Variants in GRID1 observed in about 807,000 individuals in gnomAD.
GRID1 encodes glutamate receptor ionotropic, delta-1.
Under a neutral mutation model 98.0 loss-of-function variants are expected in GRID1, and 28 were observed. That is an observed-to-expected ratio of 0.29 (90% CI 0.21 to 0.39). The LOEUF (loss-of-function observed/expected upper bound fraction) is 0.39. GRID1 is among the 10% of genes least tolerant of loss of function. GRID1 has a pLI of 1.00. For missense variants in GRID1, 1,111 were observed against 1,340.5 expected (o/e 0.83, Z 2.67); for synonymous variants, 553 against 538.5 (o/e 1.03, Z -0.37).
At chr10:85,706,809 A>T (rs1388545183) in intron 12 of GRID1, among the ~76,000 whole-genome samples, 1 of 152,222 alleles carries the variant, frequency 6.6e-6, no homozygotes, top group Non-Finnish European at 1.5e-5. Flanking sequence ...ATAATGCCAC[A>T]TATCTACAAC....
chr10:86,366,089 C>T lies in GRID1; in HGVS notation c.79+225G>A, dbSNP rs1046068292. On this transcript the variant is annotated intron_variant, in intron 1 of 15. Transcript: ENST00000327946. The surrounding 1 kb of genome is among the most constrained non-coding windows in gnomAD (Gnocchi z 4.1). ...CGGCCCTAAGTGTCGGTAGAGGCCG[C>T]GGGGCCCCGCGCGGAGATCGGAGCC... 6.6e-6 allele frequency among the ~76,000 whole-genome samples: 1 copy of T among 151,988 alleles called. No homozygotes were observed. Among genetic ancestry groups the T allele is most frequent in the South Asian group, 2.1e-4 (1 of 4,830 alleles).
chr10:86,078,579 C>T (rs1843918618), intron 4 of GRID1, among the ~76,000 whole-genome samples: 1 of 152,260 alleles, frequency 6.6e-6, no homozygotes, highest in Admixed American at 6.5e-5. Flanking sequence ...AAAAGCCTTG[C>T]TTCCTGTCTT....
At chr10:85,743,105 G>GCCCCCCCCCCCCCCC (rs4031782) in intron 8 of GRID1, among the ~76,000 whole-genome samples, 5 of 82,672 alleles carry the variant, frequency 6.0e-5, no homozygotes, top group Non-Finnish European at 7.3e-5. Context: ...GAATTATGCA[G>GCCCCCCCCCCCCCCC]CCCCCCCCCC....
At chr10:86,328,976 A>G (rs1423795056) in intron 2 of GRID1, among the ~76,000 whole-genome samples, 4 of 152,064 alleles carry the variant, frequency 2.6e-5, no homozygotes, top group Admixed American at 2.6e-4. Flanking sequence ...AACTGGGGAC[A>G]CCCAAGGCTA....
At chr10:86,030,123 A>C (rs1278747499) in intron 4 of GRID1, among the ~76,000 whole-genome samples, 1 of 152,242 alleles carries the variant, frequency 6.6e-6, no homozygotes, top group Non-Finnish European at 1.5e-5. Context: ...ACTATCACTG[A>C]GTCTACTAGA....
At position 85,835,977 on chromosome 10, in the gene GRID1, T is replaced by C. The variant is rs538347791; in HGVS notation, c.1233+18519A>G. Among the ~76,000 whole-genome samples, 4 of 152,226 alleles carry C rather than the reference T, an allele frequency of 2.6e-5. No homozygotes were observed. In the East Asian group the frequency reaches 7.7e-4, roughly 29 times the overall value. On this transcript the variant is annotated intron_variant, in intron 8 of 15. Coordinates refer to ENST00000327946, the MANE Select transcript of GRID1 (RefSeq NM_017551.3). The stretch of plus-strand genomic sequence containing the variant: ...TTTCAAAGGAAATTCTTAGAAAATA[T>C]ATAGAACTGAATATAAATGAAATGC...
At chr10:86,334,003 C>A (rs1848188161) in intron 2 of GRID1, among the ~76,000 whole-genome samples, 1 of 152,042 alleles carries the variant, frequency 6.6e-6, no homozygotes, top group South Asian at 2.1e-4. Flanking sequence ...AGCCGCCACC[C>A]CCTCCCTTCT....
At chr10:86,239,961 A>T (rs572289651) in intron 2 of GRID1, among the ~76,000 whole-genome samples, 96 of 152,320 alleles carry the variant, frequency 6.3e-4, no homozygotes, top group African/African-American at 2.1e-3. Context: ...TGGTGTCCTC[A>T]TAAGAAGAGG....
intron 4 of GRID1, among the ~76,000 whole-genome samples, chr10:86,029,569 A>C (rs1355226471): frequency 1.3e-5 from 2 of 152,238 alleles, no homozygotes; most frequent in East Asian, 3.8e-4. Flanking sequence ...GTTTTTACCA[A>C]AAATGAGGAC....
intron 4 of GRID1, among the ~76,000 whole-genome samples, chr10:86,065,216 C>T (rs1248204592): frequency 6.6e-6 from 1 of 152,242 alleles, no homozygotes; most frequent in Non-Finnish European, 1.5e-5. Flanking sequence ...GCGTCAGCAT[C>T]ACCTGGAAAT....
intron 8 of GRID1, among the ~76,000 whole-genome samples, chr10:85,832,322 C>A (rs1243249134): frequency 6.6e-6 from 1 of 151,908 alleles, no homozygotes; most frequent in Non-Finnish European, 1.5e-5. Context: ...CCCCAGCATT[C>A]AATAGTCTTA....
chr10:85,678,174 G>A (rs1376279471), intron 12 of GRID1, among the ~76,000 whole-genome samples: 7 of 152,246 alleles, frequency 4.6e-5, no homozygotes, highest in African/African-American at 1.7e-4. Context: ...TTCAATTGAG[G>A]CCTCAGTTGA....
chr10:85,793,637 C>A lies in GRID1; in HGVS notation c.1233+60859G>T, dbSNP rs141387483. Among the ~76,000 whole-genome samples the A allele has an allele frequency of 2.6e-5, 4 of 152,318 alleles. No homozygotes were observed. In the East Asian group the frequency reaches 7.7e-4, roughly 29 times the overall value. ...TTCACCATTTGGCATCTCTGCTACGCTCACTGATAGTAACATTTACAAGGT... is the reference window on the plus strand; with the variant it reads ...TTCACCATTTGGCATCTCTGCTACGATCACTGATAGTAACATTTACAAGGT... On this transcript the variant is annotated intron_variant, in intron 8 of 15. Transcript: ENST00000327946.
chr10:86,230,620 T>C (rs749476855), intron 2 of GRID1, among the ~76,000 whole-genome samples: 1 of 152,224 alleles, frequency 6.6e-6, no homozygotes, highest in Non-Finnish European at 1.5e-5. Context: ...CCTGAACACA[T>C]GTCACCTTTC....
intron 8 of GRID1, among the ~76,000 whole-genome samples, chr10:85,832,782 G>A (rs1842879698): frequency 1.3e-5 from 2 of 152,148 alleles, no homozygotes; most frequent in African/African-American, 4.8e-5. Context: ...CCAAGCAACA[G>A]AAGATGGTCC....
intron 5 of GRID1, among the ~76,000 whole-genome samples, chr10:85,895,475 A>G (rs1183489472): frequency 1.3e-4 from 20 of 152,128 alleles, no homozygotes; most frequent in Admixed American, 1.1e-3. Flanking sequence ...ACCCATGCTC[A>G]TATGTTATCA....
chr10:85,700,099 G>T (rs553639853), intron 12 of GRID1, among the ~76,000 whole-genome samples: 1 of 152,256 alleles, frequency 6.6e-6, no homozygotes, highest in Non-Finnish European at 1.5e-5. Context: ...AAATCTCAGA[G>T]CTGTTCCTTT....
intron 2 of GRID1, among the ~76,000 whole-genome samples, chr10:86,240,443 T>G (rs1846609943): frequency 6.6e-6 from 1 of 152,224 alleles, no homozygotes; most frequent in Admixed American, 6.5e-5. Context: ...TCCTCTGCAC[T>G]GAGCCCCATG....
chr10:86,025,676 GAA>G (rs1322665771), intron 4 of GRID1, among the ~76,000 whole-genome samples: 2 of 152,198 alleles, frequency 1.3e-5, no homozygotes, highest in Admixed American at 6.5e-5. Flanking sequence ...TGGCAGGGCT[GAA>G]CTTTGAACCT....
Sources: gnomAD v4.1 joint callset for allele counts (sites outside exome capture counted in the v4.1 genomes callset) on GRCh38, gnomAD v4.1.1 for gene constraint, Gnocchi (gnomAD v3.1) non-coding constraint, MANE v1.5 for transcripts, NCBI Gene and HGNC (gene_info 2026-07-23, HGNC 2026-07-21) for gene names.